C20orf96: variants seen among roughly 807,000 people sequenced by gnomAD.
C20orf96 encodes uncharacterized protein C20orf96.
Under a neutral mutation model 52.6 loss-of-function variants are expected in C20orf96, and 57 were observed. The ratio of observed to expected loss-of-function variants is 1.08; its 90% CI spans 0.88 to 1.35. The LOEUF is 1.35. C20orf96 is among the 40% of genes most tolerant of loss of function. The probability of loss-of-function intolerance (pLI) is 0.00; values close to 1 mark genes in which losing one functional copy is unlikely to be tolerated. For missense variants in C20orf96, 478 were observed against 443.6 expected (o/e 1.08, Z -0.70); for synonymous variants, 168 against 157.2 (o/e 1.07, Z -0.51).
rs1463778568 is a variant in C20orf96, at chr20:279,282, C to T, written c.355G>A (p.Glu119Lys). The change falls in exon 5 of 11, where the codon GAG becomes AAG. Residue 119 changes from glutamate to lysine, a missense_variant. Glu to Lys is a moderately conservative substitution (Grantham distance 56, BLOSUM62 1). Coordinates refer to ENST00000360321, the MANE Select transcript of C20orf96 (RefSeq NM_153269.3). ...CGGTTGAGCTTGCTGAGGAAGTTCT[C>T]ACGGCTTCGGAGCTCTCGCAGAGCG... ...RAALRELRSRENFLSKLNREL... is the reference protein window; with the variant it reads ...RAALRELRSRKNFLSKLNREL... 1 of 1,610,038 alleles carries T rather than the reference C, an allele frequency of 6.2e-7. No individual in the cohort carries two copies. The highest frequency in any genetic ancestry group is 8.5e-7 in the Non-Finnish European group (1 of 1,179,198).
chr20:277,188 C>T, intron 7 of C20orf96, 38 bp downstream of exon 7: 2 of 1,613,912 alleles, frequency 1.2e-6, no homozygotes, highest in East Asian at 4.5e-5. Context: ...TCCTGCCTCC[C>T]ACACAGTCTG....
intron 4 of C20orf96, among the ~76,000 whole-genome samples, chr20:283,208 AAATT>A (rs1202175587): frequency 6.6e-6 from 1 of 152,344 alleles, no homozygotes; most frequent in Non-Finnish European, 1.5e-5. Flanking sequence ...TATAGCGAGG[AAATT>A]AATTACCTAC....
At chr20:276,226 G>C (rs2012019267) in intron 9 of C20orf96, 140 bp from the exon 10 acceptor site, 1 of 1,506,376 alleles carries the variant, frequency 6.6e-7, no homozygotes, top group African/African-American at 1.4e-5. Flanking sequence ...GGACTCCAGG[G>C]AGGGGACTTC....
chr20:279,411 C>T, intron 4 of C20orf96, 81 bp from the exon 5 acceptor site: 1 of 1,424,496 alleles, frequency 7.0e-7, no homozygotes. Context: ...ACCCGCCGCC[C>T]CGGCCCCGCC....
intron 4 of C20orf96, among the ~76,000 whole-genome samples, chr20:282,834 T>C (rs1033906626): frequency 6.6e-6 from 1 of 152,098 alleles, no homozygotes. Context: ...ATCTTGCCAC[T>C]GCACTCCAGC....
At chr20:284,763 A>G (rs961939063) in intron 3 of C20orf96, among the ~76,000 whole-genome samples, 1 of 152,242 alleles carries the variant, frequency 6.6e-6, no homozygotes, top group Non-Finnish European at 1.5e-5. Context: ...AGGCTGAGGC[A>G]AGAGAATCGT....
At chr20:287,166 T>C (rs565834386) in intron 3 of C20orf96, among the ~76,000 whole-genome samples, 238 of 152,216 alleles carry the variant, frequency 1.6e-3, no homozygotes, top group Non-Finnish European at 2.9e-3. Context: ...TTCATTTCTC[T>C]GGAATAAATG....
intron 6 of C20orf96, 140 bp from the exon 7 acceptor site, chr20:277,523 G>A (rs1328107589): frequency 2.4e-6 from 2 of 824,040 alleles, no homozygotes; most frequent in Non-Finnish European, 3.9e-6. Flanking sequence ...ACAGGGCTGG[G>A]AGGTGGTTAA....
At chr20:287,669 C>T (rs1384333847) in intron 3 of C20orf96, among the ~76,000 whole-genome samples, 1 of 152,070 alleles carries the variant, frequency 6.6e-6, no homozygotes, top group Non-Finnish European at 1.5e-5. Flanking sequence ...TGGCTCTCAC[C>T]TATAATCCCA....
In C20orf96 at chr20:277,279, C is replaced by T. The variant is rs940892572; in HGVS notation, c.670G>A (p.Val224Ile). ...YMDHEYSIKS[V>I]QISTLMRQLQ... ...TGGCGCATAAGAGTGGAGATCTGGA[C>T]AGACTTGATGGAATACTCATGGTCC... The change falls in exon 7 of 11, where the codon GTC becomes ATC. Residue 224 changes from valine to isoleucine, a missense_variant. Coordinates refer to ENST00000360321, the MANE Select transcript of C20orf96 (RefSeq NM_153269.3). 1.2e-6 allele frequency: 2 copies of T among 1,613,960 alleles called. No individual in the cohort carries two copies. The highest frequency in any genetic ancestry group is 2.7e-5 in the African/African-American group (2 of 74,942).
intron 8 of C20orf96, 82 bp downstream of exon 8, chr20:276,962 G>A (rs925807541): frequency 5.6e-6 from 9 of 1,597,880 alleles, no homozygotes; most frequent in Non-Finnish European, 6.9e-6. Context: ...GCTGCAGTGG[G>A]CCTGGAGGCA....
chr20:284,093 C>G lies in C20orf96; in HGVS notation c.188-12G>C. ...CTTGAAGTGAAACACTAGGGGTAGA[C>G]AGGAAAGGACAGGGAGAGAGTGAGG... On this transcript the variant is annotated splice_polypyrimidine_tract_variant and intron_variant, in intron 3 of 10. Coordinates refer to ENST00000360321, the MANE Select transcript of C20orf96 (RefSeq NM_153269.3). The G allele has an allele frequency of 6.2e-7, 1 of 1,603,982 alleles. No homozygotes were observed. Among genetic ancestry groups the G allele is most frequent in the Non-Finnish European group, 8.5e-7 (1 of 1,170,868 alleles).
Position 288,294 on chromosome 20 carries a change from A to C in C20orf96, c.187+1265T>G, listed in dbSNP as rs181414772. On this transcript the variant is annotated intron_variant, in intron 3 of 10. Transcript: ENST00000360321. ...ACTTTCTGAAAAACCCATTGGGAATATTGGTATGGATTTATTCCCTTTTCC... is the reference window on the plus strand; with the variant it reads ...ACTTTCTGAAAAACCCATTGGGAATCTTGGTATGGATTTATTCCCTTTTCC... Among the ~76,000 whole-genome samples the C allele has an allele frequency of 1.1e-3, 165 of 147,176 alleles. 2 individuals carry two copies. Among genetic ancestry groups the C allele is most frequent in the African/African-American group, 4.1e-3 (164 of 39,694 alleles).
In C20orf96 at chr20:277,044, C is replaced by G. The variant is rs143466555; in HGVS notation, c.825G>C (p.Ala275=). ...TCCCACACAGCAACTGGCTACTCACCGCCACCACAGAACTCAGAATTTTTT... is the reference window on the plus strand; with the variant it reads ...TCCCACACAGCAACTGGCTACTCACGGCCACCACAGAACTCAGAATTTTTT... ...KKKKILSSVV[A]ETQRPYEEAL... Residue 275 remains alanine (A), a splice_region_variant and synonymous_variant, in exon 8 of 11, where the codon GCG becomes GCC. Transcript: ENST00000360321. 2 of 1,612,730 alleles carry G rather than the reference C, an allele frequency of 1.2e-6. No individual in the cohort carries two copies. Among genetic ancestry groups the G allele is most frequent in the Admixed American group, 3.3e-5 (2 of 59,978 alleles).
Position 277,161 on chromosome 20 carries a change from A to T in C20orf96, c.724-16T>A, listed in dbSNP as rs2012056633. 2 of 1,613,716 alleles carry T rather than the reference A, an allele frequency of 1.2e-6. No individual in the cohort carries two copies. Among genetic ancestry groups the T allele is most frequent in the East Asian group, 4.5e-5 (2 of 44,858 alleles). ...CCAGCTCATCCTGGGAGCCAGCAGA[A>T]GGGTGTTGGTCACCAGTCCTGCCTC... On this transcript the variant is annotated splice_polypyrimidine_tract_variant and intron_variant, in intron 7 of 10. Coordinates refer to ENST00000360321, the MANE Select transcript of C20orf96 (RefSeq NM_153269.3).
rs143970636 is a variant in C20orf96 at position 271,189 on chromosome 20, G to A, written c.*18C>T. 1,919 of 1,549,958 alleles carry A rather than the reference G, an allele frequency of 1.2e-3. 16 individuals are homozygous for A. The highest frequency in any genetic ancestry group is 5.2e-3 in the African/African-American group (381 of 73,170). On this transcript the variant is annotated 3_prime_UTR_variant, in exon 11 of 11. Transcript: ENST00000360321. The stretch of plus-strand genomic sequence containing the variant: ...TGGGAAGAGAGCAGGAGGGGAGGGC[G>A]GCCCATGGCACTGCCATCTAGAAGG...
intron 8 of C20orf96, 53 bp downstream of exon 8, chr20:276,991 G>C: frequency 1.9e-6 from 3 of 1,591,868 alleles, no homozygotes; most frequent in South Asian, 2.2e-5. Context: ...GGAAGAGGGC[G>C]GGGTGGGGGT....
chr20:278,372 C>T lies in C20orf96; in HGVS notation c.523G>A (p.Glu175Lys). 1 of 1,614,020 alleles carries T rather than the reference C, an allele frequency of 6.2e-7. No homozygotes were observed. The highest frequency in any genetic ancestry group is 8.5e-7 in the Non-Finnish European group (1 of 1,179,962). Residue 175 changes from glutamate (E) to lysine (K), a missense_variant, in exon 6 of 11, where the codon GAG becomes AAG. Coordinates refer to ENST00000360321, the MANE Select transcript of C20orf96 (RefSeq NM_153269.3). ...NKKRLQQLKS[E>K]LQEWEEKKKC... ...TTCTTTTCTTCCCACTCCTGAAGCT[C>T]AGATTTCAATTGCTGCAGCCTCTTC...
In C20orf96 at chr20:279,338, C is replaced by T. The variant is rs2012185053; in HGVS notation, c.307-8G>A. ...CCCGCTCCTGAGCGAGGTCTGCGGG[C>T]GGAGGGAAGAGCAGAGAGGCGGCGC... On this transcript the variant is annotated splice_polypyrimidine_tract_variant and splice_region_variant and intron_variant, in intron 4 of 10. Transcript: ENST00000360321. The T allele has an allele frequency of 3.7e-6, 6 of 1,600,474 alleles. No homozygotes were observed. The highest frequency in any genetic ancestry group is 1.1e-5 in the South Asian group (1 of 90,976).
Sources: allele counts gnomAD v4.1 joint callset (sites outside exome capture counted in the v4.1 genomes callset), GRCh38; gene constraint gnomAD v4.1.1; transcripts MANE v1.5; gene names NCBI Gene and HGNC (gene_info 2026-07-23, HGNC 2026-07-21).